The following MMP26 variants were observed in gnomAD, a reference collection of about 807,000 sequenced individuals.
MMP26 encodes the protein matrix metallopeptidase 26.
MMP26 carries 33 observed loss-of-function variants against 31.0 expected under a neutral mutation model. The observed-to-expected ratio is 1.06, with a 90% confidence interval of 0.81 to 1.42. The LOEUF (loss-of-function observed/expected upper bound fraction) is 1.42, where lower values mean the gene tolerates loss of function less well. Among genes scored for constraint, MMP26 ranks in the 40% most tolerant of loss-of-function variants. MMP26 has a pLI of 0.00. For missense variants in MMP26, 347 were observed against 316.1 expected (o/e 1.10, Z -0.74); for synonymous variants, 122 against 114.9 (o/e 1.06, Z -0.40).
intron 2 of MMP26, chr11:4,881,838 CTA>C: frequency 1.5e-6 from 2 of 1,356,142 alleles, no homozygotes; most frequent in Non-Finnish European, 2.1e-6. Flanking sequence ...AAAATGTATG[CTA>C]TATATATAAA....
chr11:4,908,253 C>T, intron 2 of MMP26: 1 of 1,614,098 alleles, frequency 6.2e-7, no homozygotes, highest in South Asian at 1.1e-5. Context: ...TGTGTAAAGA[C>T]TCGACAAATC....
chr11:4,903,164 T>C (rs1412627933), intron 2 of MMP26, among the ~76,000 whole-genome samples: 3 of 152,054 alleles, frequency 2.0e-5, no homozygotes, highest in African/African-American at 7.2e-5. Context: ...AAAATAGAAA[T>C]ATGTGAATAA....
At chr11:4,754,383 G>A (rs145057651) in intron 1 of MMP26, among the ~76,000 whole-genome samples, 8 of 151,920 alleles carry the variant, frequency 5.3e-5, no homozygotes, top group Admixed American at 1.3e-4. Context: ...TGGCTCAGAC[G>A]TGAAACAATT....
intron 1 of MMP26, among the ~76,000 whole-genome samples, chr11:4,749,727 A>G (rs1848423984): frequency 6.6e-6 from 1 of 152,136 alleles, no homozygotes; most frequent in South Asian, 2.1e-4. Context: ...TTGGATTGCC[A>G]ATATGCAGAA....
intron 2 of MMP26, among the ~76,000 whole-genome samples, chr11:4,895,759 A>G (rs187706793): frequency 6.6e-6 from 1 of 152,258 alleles, no homozygotes; most frequent in African/African-American, 2.4e-5. Context: ...CCCTATCTCT[A>G]CAAGAAAATA....
At chr11:4,979,455 T>G (rs2133639173) in intron 2 of MMP26, among the ~76,000 whole-genome samples, 1 of 152,302 alleles carries the variant, frequency 6.6e-6, no homozygotes, top group Middle Eastern at 3.4e-3. Flanking sequence ...ATGCAGGATC[T>G]GAATTGGCAC....
At chr11:4,973,589 C>T (rs1320417156) in intron 2 of MMP26, 1 of 154,360 alleles carries the variant, frequency 6.5e-6, no homozygotes, top group East Asian at 1.9e-4. Flanking sequence ...TTGAGCAATA[C>T]AGGCATCAGG....
chr11:4,788,643 C>T (rs1848980599), intron 2 of MMP26, among the ~76,000 whole-genome samples: 2 of 152,066 alleles, frequency 1.3e-5, no homozygotes, highest in South Asian at 4.2e-4. Flanking sequence ...ACACAGTTGG[C>T]ATTGTCAAAA....
At chr11:4,913,919 T>C (rs537676667) in intron 2 of MMP26, 2 of 152,286 alleles carry the variant, frequency 1.3e-5, no homozygotes, top group South Asian at 4.1e-4. Flanking sequence ...GATGCTCCCT[T>C]CCCCCAGCTA....
At chr11:4,877,928 C>T (rs1256696799) in intron 2 of MMP26, 1 of 152,112 alleles carries the variant, frequency 6.6e-6, no homozygotes, top group Non-Finnish European at 1.5e-5. Context: ...TATCGTTTTA[C>T]AAGTTTTGAC....
chr11:4,888,676 G>T (rs770452610), intron 2 of MMP26, among the ~76,000 whole-genome samples: 7 of 152,144 alleles, frequency 4.6e-5, no homozygotes, highest in Non-Finnish European at 8.8e-5. Flanking sequence ...GGAATGTTAT[G>T]AGATAGTTTA....
At chr11:4,752,061 T>A (rs1848453346) in intron 1 of MMP26, 1 of 152,126 alleles carries the variant, frequency 6.6e-6, no homozygotes. Context: ...AACATACAAA[T>A]TTGAGCACAG....
chr11:4,771,876 T>C (rs951388827), intron 2 of MMP26, among the ~76,000 whole-genome samples: 1 of 148,236 alleles, frequency 6.7e-6, no homozygotes, highest in Non-Finnish European at 1.5e-5. Context: ...CAAACCCTCA[T>C]GATATCTGAC....
At chr11:4,831,354 G>GCTA (rs1849643826) in intron 2 of MMP26, among the ~76,000 whole-genome samples, 1 of 152,092 alleles carries the variant, frequency 6.6e-6, no homozygotes, top group South Asian at 2.1e-4. Context: ...CCTGCCTCAG[G>GCTA]CTACTGTCAA....
Position 4,988,134 on chromosome 11 carries a change from T to C in MMP26, c.-78T>C. ...AACTGGCAGAGTGAGTCATTGGATG[T>C]TGCTGGCACAGCTATAAAGATCCAG... On this transcript the variant is annotated 5_prime_UTR_variant, in exon 3 of 8. Transcript: ENST00000380390. The C allele has an allele frequency of 7.8e-7, 1 of 1,277,976 alleles. No individual in the cohort carries two copies. Among genetic ancestry groups the C allele is most frequent in the African/African-American group, 1.5e-5 (1 of 68,420 alleles). The allele number at this position is 1,277,976 out of a possible 1,614,324, so 79.2% of individuals were successfully genotyped here. A position where few individuals can be genotyped will look rare whatever the true frequency, so the allele number is the denominator to read the frequency against.
chr11:4,908,304 G>A lies in MMP26; in HGVS notation c.-144-79764G>A, dbSNP rs747149546. 4 of 1,613,056 alleles carry A rather than the reference G, an allele frequency of 2.5e-6. No homozygotes were observed. In the Admixed American group the frequency reaches 5.0e-5, roughly 20 times the overall value. On this transcript the variant is annotated intron_variant, in intron 2 of 7. Transcript: ENST00000380390. The stretch of plus-strand genomic sequence containing the variant: ...GGGAAGTTGCTTAATGTATGTGGGA[G>A]ATAAGAACTTGAACAATTAGGTAAT...
intron 1 of MMP26, chr11:4,723,399 C>A: frequency 1.0e-6 from 1 of 961,514 alleles, no homozygotes; most frequent in East Asian, 2.4e-5. Context: ...GCGCCTTGAC[C>A]TCAGCGATAG....
At chr11:4,925,114 C>T (rs1851250690) in intron 2 of MMP26, among the ~76,000 whole-genome samples, 2 of 152,130 alleles carry the variant, frequency 1.3e-5, no homozygotes, top group African/African-American at 4.8e-5. Context: ...AACTCTGACA[C>T]CAGTTCTATC....
chr11:4,742,503 T>G (rs2133293555), intron 1 of MMP26, among the ~76,000 whole-genome samples: 1 of 152,272 alleles, frequency 6.6e-6, no homozygotes, highest in African/African-American at 2.4e-5. Context: ...CCTAGATATA[T>G]GATTAAACAT....
Sources: gnomAD v4.1 joint callset for allele counts (sites outside exome capture counted in the v4.1 genomes callset) on GRCh38, gnomAD v4.1.1 for gene constraint, MANE v1.5 for transcripts, NCBI Gene and HGNC (gene_info 2026-07-23, HGNC 2026-07-21) for gene names.